The following MAP1LC3A variants were observed in gnomAD, a reference collection of about 807,000 sequenced individuals.
MAP1LC3A encodes microtubule associated protein 1 light chain 3 alpha.
In MAP1LC3A, 10 loss-of-function variants were observed where a neutral mutation model predicts 15.2. The observed-to-expected ratio is 0.66, with a 90% CI of 0.41 to 1.12. The LOEUF (loss-of-function observed/expected upper bound fraction) is 1.12. Ranked by LOEUF, MAP1LC3A falls within the 50% of genes most tolerant of loss-of-function variation. The pLI is 0.00. For synonymous variants in MAP1LC3A, 63 were observed against 64.3 expected (o/e 0.98, Z 0.10); for missense variants, 138 against 167.3 (o/e 0.82, Z 0.97).
At chr20:34,554,190 C>CT (rs1982055416), upstream of MAP1LC3A, among the ~76,000 whole-genome samples, 1 of 151,982 alleles carries the variant, frequency 6.6e-6, no homozygotes, top group Non-Finnish European at 1.5e-5. Flanking sequence ...GATTTCCTGG[C>CT]TGTGAGTGAC....
chr20:34,550,541 A>C (rs1019217509), intron 2 of MAP1LC3A, among the ~76,000 whole-genome samples: 1 of 152,220 alleles, frequency 6.6e-6, no homozygotes, highest in Non-Finnish European at 1.5e-5. Flanking sequence ...TTTAGTGAGA[A>C]GGAAATAAAA....
upstream of MAP1LC3A, chr20:34,558,638 G>A (rs562963090): frequency 1.1e-3 from 1,391 of 1,226,176 alleles, 1 homozygote; most frequent in Non-Finnish European, 1.3e-3. This position sits in a 1 kb window ranked among gnomAD's most constrained non-coding sequence, Gnocchi z 4.3. Flanking sequence ...TCACGGGTCC[G>A]GGCGGGCGGG....
chr20:34,560,214 TCTGCCCACCGCCTGGAC>T lies in MAP1LC3A; in HGVS notation c.*326_*342del, dbSNP rs1200371304. The T allele has an allele frequency of 6.7e-6, 2 of 297,936 alleles. No homozygotes were observed. The highest frequency in any genetic ancestry group is 1.6e-4 in the East Asian group (2 of 12,664). 18.5% of individuals were successfully genotyped at this position (297,936 alleles called of 1,614,324 possible). On this transcript the variant is annotated 3_prime_UTR_variant, in exon 4 of 4. Transcript: ENST00000360668. ...CATCTGCCCCTCACCCACCCGAGGC[TCTGCCCACCGCCTGGAC>T]CTGCCCACCCCTGAAAGACTGGCCC...
intron 1 of MAP1LC3A, among the ~76,000 whole-genome samples, chr20:34,549,225 C>T (rs988565026): frequency 1.3e-5 from 2 of 151,984 alleles, no homozygotes; most frequent in African/African-American, 4.8e-5. Context: ...GGGGTTTCGC[C>T]GTGTTGGCCA....
chr20:34,556,137 C>T (rs1262721521), upstream of MAP1LC3A, among the ~76,000 whole-genome samples: 3 of 152,168 alleles, frequency 2.0e-5, no homozygotes, highest in African/African-American at 4.8e-5. Context: ...CCACTGCGCC[C>T]GGCCACCAAG....
At chr20:34,549,867 C>G (rs1981881182) in intron 1 of MAP1LC3A, 1 of 869,626 alleles carries the variant, frequency 1.1e-6, no homozygotes, top group Non-Finnish European at 1.9e-6. Context: ...CCTCCTGCCT[C>G]CTGCCTCCGT....
Position 34,558,904 on chromosome 20 carries a change from C to T in MAP1LC3A, c.36C>T (p.Ser12=), listed in dbSNP as rs1982280909. The stretch of plus-strand genomic sequence containing the variant: ...ACCGGCCTTTCAAGCAGCGGCGGAG[C>T]TTCGGTGAGGCCCGGCAGGCGAGCT... The part of the protein sequence containing the change: ...PSDRPFKQRR[S]FADRCKEVQQ... Residue 12 remains serine (S), a synonymous_variant, in exon 1 of 4, where the codon AGC becomes AGT. Coordinates refer to ENST00000360668, the MANE Select transcript of MAP1LC3A (RefSeq NM_032514.4). The surrounding 1 kb of genome is among the most constrained non-coding windows in gnomAD (Gnocchi z 4.3). The T allele has an allele frequency of 7.1e-7, 1 of 1,411,168 alleles. No individual in the cohort carries two copies. Among genetic ancestry groups the T allele is most frequent in the Non-Finnish European group, 9.2e-7 (1 of 1,086,890 alleles). The allele number at this position is 1,411,168 out of a possible 1,614,324, so 87.4% of individuals were successfully genotyped here.
chr20:34,560,287 T>C lies in MAP1LC3A; in HGVS notation c.*389T>C. Reference sequence around the variant, plus strand: ...TCCCCGCCCCTCGGTCTCCACGTGGTGTATGGATCTGTGGTCATTGTCCCT... The same window carrying C: ...TCCCCGCCCCTCGGTCTCCACGTGGCGTATGGATCTGTGGTCATTGTCCCT... On this transcript the variant is annotated 3_prime_UTR_variant, in exon 4 of 4. Transcript: ENST00000360668. 1 of 212,840 alleles carries C rather than the reference T, an allele frequency of 4.7e-6. No homozygotes were observed. The highest frequency in any genetic ancestry group is 9.5e-6 in the Non-Finnish European group (1 of 105,450). The allele number at this position is 212,840 out of a possible 1,614,324, so 13.2% of individuals were successfully genotyped here.
chr20:34,547,254 G>T (rs1412134000), intron 1 of MAP1LC3A, among the ~76,000 whole-genome samples: 2 of 151,984 alleles, frequency 1.3e-5, no homozygotes, highest in Non-Finnish European at 2.9e-5. Context: ...AGCTGAACTC[G>T]GCCAGGTTAA....
At chr20:34,550,726 TCAAA>T (rs1207608433) in intron 2 of MAP1LC3A, among the ~76,000 whole-genome samples, 3 of 152,116 alleles carry the variant, frequency 2.0e-5, no homozygotes, top group African/African-American at 2.4e-5. Context: ...TGGCCACTCC[TCAAA>T]CACACACCTG....
chr20:34,556,964 G>T (rs1328971143), upstream of MAP1LC3A, among the ~76,000 whole-genome samples: 1 of 152,172 alleles, frequency 6.6e-6, no homozygotes. Context: ...TCTCTTCACA[G>T]AGTTCCTCCT....
upstream of MAP1LC3A, among the ~76,000 whole-genome samples, chr20:34,554,354 G>GTTTTTTTTTT (rs537779341): frequency 4.7e-5 from 5 of 106,164 alleles, 1 homozygote; most frequent in African/African-American, 1.2e-4. Flanking sequence ...TATACGTTGG[G>GTTTTTTTTTT]TTTTTTTTTT....
In MAP1LC3A at chr20:34,558,948, G is replaced by T; in HGVS notation, c.40+40G>T. On this transcript the variant is annotated intron_variant, in intron 1 of 3. Coordinates refer to ENST00000360668, the MANE Select transcript of MAP1LC3A (RefSeq NM_032514.4). This position sits in a 1 kb window ranked among gnomAD's most constrained non-coding sequence, Gnocchi z 4.3. Reference sequence around the variant, plus strand: ...GCGAGCTGCGAGCTCTGGGGCAGGGGTGCCGGCCGACCCCGACTGCCGCAG... The same window carrying T: ...GCGAGCTGCGAGCTCTGGGGCAGGGTTGCCGGCCGACCCCGACTGCCGCAG... The T allele has an allele frequency of 1.5e-6, 2 of 1,358,698 alleles. No homozygotes were observed. The highest frequency in any genetic ancestry group is 3.5e-5 in the South Asian group (2 of 57,910). 84.2% of individuals were successfully genotyped at this position (1,358,698 alleles called of 1,614,324 possible).
At chr20:34,557,785 G>A (rs1280671591), upstream of MAP1LC3A, among the ~76,000 whole-genome samples, 2 of 152,052 alleles carry the variant, frequency 1.3e-5, no homozygotes, top group South Asian at 4.1e-4. Flanking sequence ...ATTAGCTGGG[G>A]GTGGTGGCAG....
chr20:34,554,759 C>T (rs1372884148), upstream of MAP1LC3A, among the ~76,000 whole-genome samples: 1 of 152,156 alleles, frequency 6.6e-6, no homozygotes, highest in East Asian at 1.9e-4. Flanking sequence ...ACCTCCACCT[C>T]CCTGGTTCAA....
intron 1 of MAP1LC3A, among the ~76,000 whole-genome samples, chr20:34,549,174 C>T (rs575288647): frequency 9.9e-5 from 15 of 152,222 alleles, no homozygotes; most frequent in Admixed American, 7.2e-4. Context: ...TGCAGGCATG[C>T]ACCATCATGC....
At chr20:34,559,168 C>A in intron 1 of MAP1LC3A, 40 bp from the exon 2 acceptor site, 2 of 1,516,680 alleles carry the variant, frequency 1.3e-6, no homozygotes, top group Admixed American at 2.0e-5. Flanking sequence ...CGGACCTGGG[C>A]CGGCCCGACC....
chr20:34,557,853 C>T (rs1982216398), upstream of MAP1LC3A, among the ~76,000 whole-genome samples: 2 of 152,104 alleles, frequency 1.3e-5, no homozygotes, highest in African/African-American at 2.4e-5. Context: ...CGCTTGAACC[C>T]GGGAGGCAGA....
chr20:34,557,581 A>C (rs1015266592), upstream of MAP1LC3A, among the ~76,000 whole-genome samples: 7 of 152,096 alleles, frequency 4.6e-5, no homozygotes, highest in African/African-American at 1.4e-4. Flanking sequence ...TTTTCCATCT[A>C]ATTTCTTCCT....
Sources: allele counts gnomAD v4.1 joint callset (sites outside exome capture counted in the v4.1 genomes callset), GRCh38; gene constraint gnomAD v4.1.1; non-coding constraint Gnocchi (gnomAD v3.1); transcripts MANE v1.5; gene names NCBI Gene and HGNC (gene_info 2026-07-23, HGNC 2026-07-21).